The following GRB10 variants were observed in gnomAD, a reference collection of about 807,000 sequenced individuals.
The protein encoded by GRB10 is growth factor receptor bound protein 10.
A neutral mutation model predicts 80.9 loss-of-function variants in GRB10; 20 were observed. The ratio of observed to expected loss-of-function variants is 0.25; its 90% confidence interval spans 0.17 to 0.36. The LOEUF (loss-of-function observed/expected upper bound fraction) is 0.36. Ranked by LOEUF, GRB10 falls within the 10% of genes least tolerant of loss-of-function variation. The pLI, the probability that GRB10 is intolerant of heterozygous loss-of-function variation, is 1.00. For synonymous variants in GRB10, 291 were observed against 291.5 expected, an observed-to-expected ratio of 1.00 and a Z score of 0.02; for missense variants, 548 against 747.7, an observed-to-expected ratio of 0.73 and a Z score of 3.12.
intron 6 of GRB10, among the ~76,000 whole-genome samples, chr7:50,671,524 G>A (rs553155910): frequency 1.3e-5 from 2 of 152,330 alleles, no homozygotes; most frequent in South Asian, 2.1e-4. Flanking sequence ...TCAGTGCTGC[G>A]AAATACAGGA....
At chr7:50,736,610 T>A (rs555741323) in intron 3 of GRB10, among the ~76,000 whole-genome samples, 4 of 152,186 alleles carry the variant, frequency 2.6e-5, no homozygotes, top group East Asian at 3.9e-4. Context: ...CTGAACAACA[T>A]GGTGAAACAC....
intron 13 of GRB10, among the ~76,000 whole-genome samples, chr7:50,608,693 G>A (rs1267573947): frequency 3.9e-5 from 6 of 152,146 alleles, no homozygotes; most frequent in East Asian, 1.9e-4. Context: ...GGCCGGGCGC[G>A]GTGGTTCACG....
Position 50,605,426 on chromosome 7 carries a change from G to A in GRB10, c.1273-20C>T. On this transcript the variant is annotated intron_variant, in intron 14 of 18. Transcript: ENST00000401949. Reference sequence around the variant, plus strand: ...ACTGCGCTGAAAAGGAAAGGCCGCAGTTCTTAAAATGCAGGGAAATAAGGC... The same window carrying A: ...ACTGCGCTGAAAAGGAAAGGCCGCAATTCTTAAAATGCAGGGAAATAAGGC... 4 of 1,584,992 alleles carry A rather than the reference G, an allele frequency of 2.5e-6. No homozygotes were observed. The highest frequency in any genetic ancestry group is 3.5e-6 in the Non-Finnish European group (4 of 1,153,328).
intron 4 of GRB10, 108 bp downstream of exon 4, chr7:50,732,164 T>A: frequency 8.9e-7 from 1 of 1,128,092 alleles, no homozygotes; most frequent in Non-Finnish European, 1.4e-6. Flanking sequence ...CAGCGTGTCC[T>A]AGTGACCTGA....
upstream of GRB10, among the ~76,000 whole-genome samples, chr7:50,786,100 T>G (rs112819072): frequency 2.0e-5 from 3 of 151,744 alleles, no homozygotes; most frequent in African/African-American, 7.3e-5. Flanking sequence ...TATAAATATA[T>G]ATATAGAGAG....
In GRB10 at chr7:50,734,422, G is replaced by A. The variant is rs1313227617; in HGVS notation, c.-46-2054C>T. Among the ~76,000 whole-genome samples the A allele has an allele frequency of 3.3e-5, 5 of 151,336 alleles. No homozygotes were observed. The East Asian group carries it at 9.8e-4, about 30-fold the overall frequency. On this transcript the variant is annotated intron_variant, in intron 3 of 18. Transcript: ENST00000401949. ...TGTCCTCTTGGCCACCTTGCCCGCT[G>A]GGTGACAGTTCTGCCACATCCCACC...
intron 3 of GRB10, among the ~76,000 whole-genome samples, chr7:50,747,966 A>T (rs189964838): frequency 6.6e-6 from 1 of 152,216 alleles, no homozygotes; most frequent in Admixed American, 6.5e-5. Context: ...CAGGAAGCAT[A>T]CCTGCAGGTA....
rs201080220 is a variant in GRB10 at position 50,729,114 on chromosome 7, C to A, written c.51+3158G>T. Among the ~76,000 whole-genome samples the A allele has an allele frequency of 3.9e-5, 6 of 152,176 alleles. No homozygotes were observed. The East Asian group carries it at 1.2e-3, about 29-fold the overall frequency. ...CTTGTGGTGTCCTGGGGCTGGACAG[C>A]GTGTATGTGCACTAATGCTGTTGCC... is the stretch of plus-strand genomic sequence containing the variant. On this transcript the variant is annotated intron_variant, in intron 4 of 18. Transcript: ENST00000401949.
intron 5 of GRB10, among the ~76,000 whole-genome samples, chr7:50,700,438 C>CA (rs1413738915): frequency 1.3e-5 from 2 of 152,178 alleles, no homozygotes; most frequent in African/African-American, 4.8e-5. Context: ...GTCTGTGCTA[C>CA]AGGTTTGCTG....
chr7:50,759,227 T>C (rs1390380371), intron 2 of GRB10, among the ~76,000 whole-genome samples: 1 of 150,940 alleles, frequency 6.6e-6, no homozygotes, highest in Non-Finnish European at 1.5e-5. Context: ...AATGCCAAAC[T>C]TCACACCACT....
intron 17 of GRB10, among the ~76,000 whole-genome samples, chr7:50,601,136 C>T (rs2047530063): frequency 6.6e-6 from 1 of 152,258 alleles, no homozygotes; most frequent in Admixed American, 6.5e-5. Flanking sequence ...GCAGTACTTG[C>T]AGCACGCTAC....
intron 7 of GRB10, among the ~76,000 whole-genome samples, chr7:50,627,876 A>G (rs2053236280): frequency 6.6e-6 from 1 of 152,158 alleles, no homozygotes; most frequent in Non-Finnish European, 1.5e-5. Context: ...GGCTGTGTGG[A>G]GCCTGCGTGT....
chr7:50,727,278 C>G (rs2068801814), intron 4 of GRB10, among the ~76,000 whole-genome samples: 1 of 152,190 alleles, frequency 6.6e-6, no homozygotes, highest in Non-Finnish European at 1.5e-5. Flanking sequence ...CTCTACTTGT[C>G]TGCACAAAGC....
At chr7:50,722,793 C>T (rs1348269820) in intron 4 of GRB10, among the ~76,000 whole-genome samples, 2 of 152,130 alleles carry the variant, frequency 1.3e-5, no homozygotes, top group Non-Finnish European at 2.9e-5. Context: ...TCCATAAAGC[C>T]TCTCCTCAGA....
chr7:50,639,007 T>C (rs2055613144), intron 7 of GRB10, among the ~76,000 whole-genome samples: 1 of 152,224 alleles, frequency 6.6e-6, no homozygotes. Context: ...AAATACTACA[T>C]ATTATCACTT....
chr7:50,653,904 T>C (rs2058319559), intron 7 of GRB10, among the ~76,000 whole-genome samples: 2 of 152,188 alleles, frequency 1.3e-5, no homozygotes, highest in Non-Finnish European at 2.9e-5. Flanking sequence ...TGTAAGTGAT[T>C]ACAGACACTA....
At chr7:50,706,092 A>G (rs2065003271) in intron 4 of GRB10, among the ~76,000 whole-genome samples, 1 of 152,234 alleles carries the variant, frequency 6.6e-6, no homozygotes, top group Non-Finnish European at 1.5e-5. Flanking sequence ...AAATTTTTAT[A>G]TAAATATCTA....
intron 8 of GRB10, among the ~76,000 whole-genome samples, chr7:50,619,801 C>T (rs546167518): frequency 1.3e-5 from 2 of 152,214 alleles, no homozygotes; most frequent in South Asian, 2.1e-4. Flanking sequence ...CAAGACTGTA[C>T]GTACATACTC....
At chr7:50,786,953 A>AG (rs1398711444), upstream of GRB10, among the ~76,000 whole-genome samples, 1 of 152,256 alleles carries the variant, frequency 6.6e-6, no homozygotes, top group African/African-American at 2.4e-5. Context: ...TAGGCCTTGG[A>AG]AAAGAGATTC....
Sources: gnomAD v4.1 joint callset for allele counts (sites outside exome capture counted in the v4.1 genomes callset) on GRCh38, gnomAD v4.1.1 for gene constraint, MANE v1.5 for transcripts, NCBI Gene and HGNC (gene_info 2026-07-23, HGNC 2026-07-21) for gene names.